INTS10: variants seen among roughly 807,000 people sequenced by gnomAD.
INTS10 encodes integrator complex subunit 10.
INTS10 carries 44 observed loss-of-function variants against 94.4 expected under a neutral mutation model. The observed-to-expected ratio is 0.47, with a 90% CI of 0.37 to 0.60. The LOEUF is 0.60. INTS10 is among the 20% of genes least tolerant of loss of function. INTS10 has a pLI of 0.00. For missense variants in INTS10, 797 were observed against 868.7 expected, an observed-to-expected ratio of 0.92 and a Z score of 1.04; for synonymous variants, 341 against 320.7, an observed-to-expected ratio of 1.06 and a Z score of -0.68.
intron 4 of INTS10, chr8:19,821,842 T>C (rs1219245683): frequency 6.6e-6 from 1 of 152,238 alleles, no homozygotes; most frequent in African/African-American, 2.4e-5. Context: ...TTTCGCACTT[T>C]TCCACTCCTG....
rs375391137 is a variant in INTS10, at chr8:19,830,414, C to T, written c.1149C>T (p.Asp383=). The T allele has an allele frequency of 3.7e-6, 6 of 1,612,788 alleles. No homozygotes were observed. In the African/African-American group the frequency reaches 4.0e-5, roughly 11 times the overall value. Residue 383 remains aspartate, a synonymous_variant, in exon 10 of 17, where the codon GAC becomes GAT. Coordinates refer to ENST00000397977, the MANE Select transcript of INTS10 (RefSeq NM_018142.4). ...AEGREKTMSS[D]DEDCSAKGRN... Reference sequence around the variant, plus strand: ...CCACATTCTTTAAGCAGAGTTCAGACGATGAAGACTGTTCGGCGAAAGGAA... The same window carrying T: ...CCACATTCTTTAAGCAGAGTTCAGATGATGAAGACTGTTCGGCGAAAGGAA...
At chr8:19,840,738 A>C in intron 13 of INTS10, among the ~76,000 whole-genome samples, 1 of 148,728 alleles carries the variant, frequency 6.7e-6, no homozygotes, top group East Asian at 1.9e-4. Flanking sequence ...GTTTTCTATA[A>C]CAAATGGTCA....
At chr8:19,835,045 A>G (rs2067543484) in intron 12 of INTS10, among the ~76,000 whole-genome samples, 1 of 151,960 alleles carries the variant, frequency 6.6e-6, no homozygotes, top group African/African-American at 2.4e-5. Flanking sequence ...GTTTCAACAT[A>G]CAAATTTTGG....
chr8:19,847,999 AT>A (rs1283847373), intron 16 of INTS10, among the ~76,000 whole-genome samples: 2 of 152,216 alleles, frequency 1.3e-5, no homozygotes, highest in African/African-American at 4.8e-5. Context: ...AATAGGGATT[AT>A]TCCTTAGTGA....
At chr8:19,819,728 A>G (rs2066218473) in intron 3 of INTS10, 52 bp downstream of exon 3, 6 of 1,369,284 alleles carry the variant, frequency 4.4e-6, no homozygotes, top group Non-Finnish European at 6.2e-6. Context: ...AATCATATAT[A>G]GTAATTTCAC....
intron 10 of INTS10, among the ~76,000 whole-genome samples, chr8:19,830,971 C>T (rs957309587): frequency 6.6e-6 from 1 of 152,202 alleles, no homozygotes; most frequent in Admixed American, 6.5e-5. Context: ...CATGCCCAGC[C>T]ATATTGCTGT....
chr8:19,820,196 G>A (rs183312188), intron 3 of INTS10, among the ~76,000 whole-genome samples, 183 bp from the exon 4 acceptor site: 81 of 152,218 alleles, frequency 5.3e-4, no homozygotes, highest in African/African-American at 1.9e-3. Flanking sequence ...CCATTATTCA[G>A]CAAACATCCT....
At position 19,830,567 on chromosome 8, in the gene INTS10, A is replaced by G. The variant is rs1449505600; in HGVS notation, c.1294+8A>G. 3 of 1,608,854 alleles carry G rather than the reference A, an allele frequency of 1.9e-6. No homozygotes were observed. Among genetic ancestry groups the G allele is most frequent in the Non-Finnish European group, 2.5e-6 (3 of 1,177,928 alleles). On this transcript the variant is annotated splice_region_variant and intron_variant, in intron 10 of 16. Coordinates refer to ENST00000397977, the MANE Select transcript of INTS10 (RefSeq NM_018142.4). ...TAGAATTCCTTGACAAAGGTAAGAA[A>G]GCGCATGTCATTGGTGCTGTTTGAT... is the stretch of plus-strand genomic sequence containing the variant.
chr8:19,843,855 C>T lies in INTS10; in HGVS notation c.1720-221C>T, dbSNP rs2068340543. Among the ~76,000 whole-genome samples, 1 of 152,234 alleles carries T rather than the reference C, an allele frequency of 6.6e-6. No individual in the cohort carries two copies. Among genetic ancestry groups the T allele is most frequent in the Non-Finnish European group, 1.5e-5 (1 of 68,046 alleles). Reference sequence around the variant, plus strand: ...CATCTACACACTGCCAGCAGCTGTGCAGAGGGAGCCTGAGGCTTCTTTGGT... The same window carrying T: ...CATCTACACACTGCCAGCAGCTGTGTAGAGGGAGCCTGAGGCTTCTTTGGT... On this transcript the variant is annotated intron_variant, in intron 14 of 16. Transcript: ENST00000397977. This position sits in a 1 kb window ranked among gnomAD's most constrained non-coding sequence, Gnocchi z 4.7.
chr8:19,838,807 C>T (rs1356915430), intron 13 of INTS10, among the ~76,000 whole-genome samples: 1 of 151,720 alleles, frequency 6.6e-6, no homozygotes, highest in Non-Finnish European at 1.5e-5. Flanking sequence ...CATGGTGGCT[C>T]ATGCCTGTAA....
At chr8:19,819,722 A>T in intron 3 of INTS10, 46 bp downstream of exon 3, 1 of 1,383,758 alleles carries the variant, frequency 7.2e-7, no homozygotes, top group Non-Finnish European at 1.0e-6. Context: ...ATACCAAATC[A>T]TATATAGTAA....
intron 9 of INTS10, among the ~76,000 whole-genome samples, chr8:19,828,002 A>G (rs2066934946): frequency 6.6e-6 from 1 of 152,012 alleles, no homozygotes; most frequent in African/African-American, 2.4e-5. Context: ...CCAGCCCAGG[A>G]GTTTAAGACC....
In INTS10 at chr8:19,849,432, T is replaced by C. The variant is rs374434183; in HGVS notation, c.1977-2217T>C. On this transcript the variant is annotated intron_variant, in intron 16 of 16. Coordinates refer to ENST00000397977, the MANE Select transcript of INTS10 (RefSeq NM_018142.4). The surrounding 1 kb of genome is among the most constrained non-coding windows in gnomAD (Gnocchi z 4.6). ...ATTTTTTTTCCATAAGTTGCCAGTG[T>C]GTTTGTGTTCGATTTAAAAATCATT... Among the ~76,000 whole-genome samples the C allele has an allele frequency of 1.6e-4, 24 of 152,318 alleles. No individual in the cohort carries two copies. In the East Asian group the frequency reaches 2.7e-3, roughly 17 times the overall value.
intron 12 of INTS10, among the ~76,000 whole-genome samples, chr8:19,836,189 G>A (rs775647921): frequency 2.0e-5 from 3 of 150,064 alleles, no homozygotes; most frequent in Non-Finnish European, 3.0e-5. Context: ...ATTACCTAGA[G>A]ACCCAGAGAT....
intron 8 of INTS10, 23 bp downstream of exon 8, chr8:19,824,995 G>A (rs1053350721): frequency 6.2e-7 from 1 of 1,604,514 alleles, no homozygotes; most frequent in Non-Finnish European, 8.5e-7. Flanking sequence ...ATTTTAGAGT[G>A]TCCAAAAAGC....
chr8:19,851,883 C>T lies in INTS10; in HGVS notation c.*78C>T. The T allele has an allele frequency of 1.5e-6, 2 of 1,310,568 alleles. No individual in the cohort carries two copies. The highest frequency in any genetic ancestry group is 1.1e-6 in the Non-Finnish European group (1 of 919,038). The allele number at this position is 1,310,568 out of a possible 1,614,324, so 81.2% of individuals were successfully genotyped here. A position where few individuals can be genotyped will look rare whatever the true frequency, so the allele number is the denominator to read the frequency against. ...ACACTCAGCAGTGATTGCCATGGCA[C>T]AGAGCCGTGGTCATTGTTGCTGTTA... On this transcript the variant is annotated 3_prime_UTR_variant, in exon 17 of 17. Coordinates refer to ENST00000397977, the MANE Select transcript of INTS10 (RefSeq NM_018142.4). This position sits in a 1 kb window ranked among gnomAD's most constrained non-coding sequence, Gnocchi z 5.0.
chr8:19,823,477 G>C (rs1342636097), intron 6 of INTS10, 36 bp downstream of exon 6: 3 of 1,411,366 alleles, frequency 2.1e-6, no homozygotes, highest in Non-Finnish European at 3.0e-6. Flanking sequence ...ACTTAAATAG[G>C]CTTTAGTAAT....
intron 2 of INTS10, 29 bp downstream of exon 2, chr8:19,818,371 C>T (rs374647303): frequency 3.1e-6 from 5 of 1,604,966 alleles, no homozygotes; most frequent in African/African-American, 2.7e-5. Flanking sequence ...ATCACTTTTA[C>T]TGCACTGAAT....
intron 11 of INTS10, 111 bp from the exon 12 acceptor site, chr8:19,833,058 G>A (rs1193783758): frequency 1.1e-5 from 9 of 855,154 alleles, no homozygotes; most frequent in South Asian, 7.5e-5. Flanking sequence ...CCAAGCTACC[G>A]TCTTTGTATA....
Sources: allele counts gnomAD v4.1 joint callset (sites outside exome capture counted in the v4.1 genomes callset), GRCh38; gene constraint gnomAD v4.1.1; non-coding constraint Gnocchi (gnomAD v3.1); transcripts MANE v1.5; gene names NCBI Gene and HGNC (gene_info 2026-07-23, HGNC 2026-07-21).